The following IFT52 variants were observed in gnomAD, a reference collection of about 807,000 sequenced individuals.
The protein encoded by IFT52 is intraflagellar transport protein 52 homolog.
A neutral mutation model predicts 54.4 loss-of-function variants in IFT52; 44 were observed. That is an observed-to-expected ratio of 0.81 (90% CI 0.63 to 1.04). The LOEUF (loss-of-function observed/expected upper bound fraction) is 1.04. Ranked by LOEUF, IFT52 falls within the 50% of genes least tolerant of loss-of-function variation. The pLI is 0.00. For synonymous variants in IFT52, 181 were observed against 185.3 expected (o/e 0.98, Z 0.19); for missense variants, 452 against 523.6 (o/e 0.86, Z 1.33).
chr20:43,629,414 A>G (rs1985002866), intron 10 of IFT52, among the ~76,000 whole-genome samples: 1 of 152,098 alleles, frequency 6.6e-6, no homozygotes, highest in Admixed American at 6.6e-5. Context: ...CTGGGACAAC[A>G]GGCGCCTGCC....
chr20:43,616,214 G>A (rs927779216), intron 7 of IFT52, among the ~76,000 whole-genome samples: 1 of 151,578 alleles, frequency 6.6e-6, no homozygotes, highest in Non-Finnish European at 1.5e-5. Flanking sequence ...GTAATAATGT[G>A]CTCATTGTTG....
chr20:43,607,216 A>AC (rs1362899110), intron 6 of IFT52, among the ~76,000 whole-genome samples: 12 of 119,134 alleles, frequency 1.0e-4, no homozygotes, highest in Middle Eastern at 5.7e-3. Flanking sequence ...CGGGGGGCTG[A>AC]CCCCCCCACC....
rs181111442 is a variant in IFT52, at chr20:43,644,365, C to T, written c.1266+1741C>T. On this transcript the variant is annotated intron_variant, in intron 13 of 13. Transcript: ENST00000373030. ...CAGAATTTGTTTTAATAATATAATT[C>T]GGAATACGTACAGATTTATCAACCA... Among the ~76,000 whole-genome samples, 178 of 58,694 alleles carry T rather than the reference C, an allele frequency of 3.0e-3. 68 individuals carry two copies. The highest frequency in any genetic ancestry group is 8.0e-3 in the African/African-American group (163 of 20,414). The allele number at this position is 58,694 out of a possible 152,430, so 38.5% of individuals were successfully genotyped here.
At chr20:43,607,161 C>T (rs554439986) in intron 6 of IFT52, among the ~76,000 whole-genome samples, 55 of 150,292 alleles carry the variant, frequency 3.7e-4, no homozygotes, top group African/African-American at 1.3e-3. Flanking sequence ...TAGGGGCAGC[C>T]GGGCAGAGGC....
At position 43,598,036 on chromosome 20, in the gene IFT52, T is replaced by C. The variant is rs188151743; in HGVS notation, c.207+1514T>C. The stretch of plus-strand genomic sequence containing the variant: ...ATTCACAATAGCCAAAAGGTGGAAA[T>C]AGCCCAAGTATCCATCGGCAGATGA... On this transcript the variant is annotated intron_variant, in intron 3 of 13. Coordinates refer to ENST00000373030, the MANE Select transcript of IFT52 (RefSeq NM_016004.5). Among the ~76,000 whole-genome samples the C allele has an allele frequency of 8.2e-4, 125 of 151,622 alleles. 1 individual carries two copies. Among genetic ancestry groups the C allele is most frequent in the African/African-American group, 2.8e-3 (116 of 41,352 alleles).
At chr20:43,630,949 C>T (rs1985123436) in intron 10 of IFT52, among the ~76,000 whole-genome samples, 1 of 152,212 alleles carries the variant, frequency 6.6e-6, no homozygotes, top group African/African-American at 2.4e-5. Context: ...GCACAGTCAG[C>T]TCTCTCTGGG....
chr20:43,626,022 G>GAAAAAAA (rs11403788), intron 10 of IFT52, among the ~76,000 whole-genome samples: 1 of 96,686 alleles, frequency 1.0e-5, no homozygotes, highest in Non-Finnish European at 1.9e-5. Flanking sequence ...CTTGTCTCCG[G>GAAAAAAA]AAAAAAAAAA....
intron 10 of IFT52, among the ~76,000 whole-genome samples, chr20:43,627,916 GAGAGA>G (rs1354172472): frequency 2.7e-5 from 3 of 110,160 alleles, no homozygotes; most frequent in East Asian, 2.7e-4. Flanking sequence ...GAGAGAGAGA[GAGAGA>G]GTTTTTTTTT....
intron 8 of IFT52, among the ~76,000 whole-genome samples, chr20:43,619,648 TC>T (rs1984121480): frequency 6.6e-6 from 1 of 152,040 alleles, no homozygotes; most frequent in African/African-American, 2.4e-5. Context: ...AGAGGACTAC[TC>T]ACTGACTGAT....
At chr20:43,607,540 T>G (rs1601036362) in intron 6 of IFT52, among the ~76,000 whole-genome samples, 4 of 116,028 alleles carry the variant, frequency 3.4e-5, no homozygotes, top group Non-Finnish European at 5.3e-5. Flanking sequence ...CGGGGCGGCG[T>G]GGCAGAGGCG....
At chr20:43,620,424 G>A (rs1600488686) in intron 8 of IFT52, among the ~76,000 whole-genome samples, 1 of 152,238 alleles carries the variant, frequency 6.6e-6, no homozygotes, top group South Asian at 2.1e-4. Flanking sequence ...TTGGGAGGCC[G>A]AGACAGGTGG....
chr20:43,646,706 T>C (rs1344595977), intron 13 of IFT52, among the ~76,000 whole-genome samples: 1 of 152,118 alleles, frequency 6.6e-6, no homozygotes, highest in Non-Finnish European at 1.5e-5. Context: ...CTTTCAACTC[T>C]GTTTGTTACT....
In IFT52 at chr20:43,604,246, G is replaced by A. The variant is rs750068068; in HGVS notation, c.401G>A (p.Gly134Glu). The stretch of plus-strand genomic sequence containing the variant: ...CCTAAAGAAGCTCTAGTTTCCAGTG[G>A]AGTCTTGAACAGGTAAGCATGTTGA... ...FHPKEALVSS[G>E]VLNREISRAA... Residue 134 changes from glycine to glutamate, a missense_variant, in exon 5 of 14, where the codon GGA (glycine) becomes GAA (glutamate). Transcript: ENST00000373030. The A allele has an allele frequency of 4.2e-5, 67 of 1,609,416 alleles. No individual in the cohort carries two copies. The highest frequency in any genetic ancestry group is 4.6e-5 in the Non-Finnish European group (54 of 1,175,960).
Position 43,605,012 on chromosome 20 carries a change from C to A in IFT52, c.424C>A (p.Arg142=). 4 of 1,613,322 alleles carry A rather than the reference C, an allele frequency of 2.5e-6. No homozygotes were observed. Among genetic ancestry groups the A allele is most frequent in the Non-Finnish European group, 3.4e-6 (4 of 1,179,654 alleles). The part of the protein sequence containing the change: ...SSGVLNREIS[R]AAGKAVPGII... ...TTTTTCTTCTTCAAGGGAAATTAGC[C>A]GAGCTGCAGGAAAGGCTGTGCCTGG... The change falls in exon 6 of 14, where the codon CGA becomes AGA. Residue 142 remains arginine, a synonymous_variant. Coordinates refer to ENST00000373030, the MANE Select transcript of IFT52 (RefSeq NM_016004.5).
intron 11 of IFT52, among the ~76,000 whole-genome samples, chr20:43,636,568 C>T (rs192654177): frequency 5.9e-5 from 9 of 152,226 alleles, no homozygotes; most frequent in African/African-American, 1.9e-4. Context: ...TGCTACAAAA[C>T]AGGCCTTCAG....
Position 43,613,921 on chromosome 20 carries a change from C to T in IFT52, c.557C>T (p.Thr186Ile), listed in dbSNP as rs1253337528. 6.2e-7 allele frequency: 1 copy of T among 1,614,074 alleles called. No homozygotes were observed. Among genetic ancestry groups the T allele is most frequent in the Non-Finnish European group, 8.5e-7 (1 of 1,179,904 alleles). The change falls in exon 7 of 14, where the codon ACA becomes ATA. Residue 186 changes from threonine to isoleucine, a missense_variant. Coordinates refer to ENST00000373030, the MANE Select transcript of IFT52 (RefSeq NM_016004.5). ...AAACCAGCAGTGGCGGTTCTGTCTA[C>T]AGGTTCTGTCTGCTTCCCACTTAAC... ...VMKPAVAVLS[T>I]GSVCFPLNRP...
chr20:43,598,150 T>C (rs73274308), intron 3 of IFT52, among the ~76,000 whole-genome samples: 8,093 of 152,204 alleles, frequency 0.053, 499 homozygotes, highest in African/African-American at 0.15. Context: ...CATGGATGAA[T>C]CTTGAGGACA....
At chr20:43,624,088 G>T in intron 10 of IFT52, 43 bp downstream of exon 10, 1 of 1,596,226 alleles carries the variant, frequency 6.3e-7, no homozygotes, top group Non-Finnish European at 8.6e-7. Context: ...ACTCCATTCT[G>T]AGTGTTTGGT....
intron 12 of IFT52, among the ~76,000 whole-genome samples, chr20:43,640,335 C>G (rs985437402): frequency 1.2e-4 from 18 of 152,138 alleles, no homozygotes; most frequent in Non-Finnish European, 2.4e-4. Flanking sequence ...TGGCAGGTGC[C>G]TGTAATCCCA....
Sources: allele counts gnomAD v4.1 joint callset (sites outside exome capture counted in the v4.1 genomes callset), GRCh38; gene constraint gnomAD v4.1.1; transcripts MANE v1.5; gene names NCBI Gene and HGNC (gene_info 2026-07-23, HGNC 2026-07-21).